The following UCK2 variants were observed in gnomAD, a reference collection of about 807,000 sequenced individuals.
UCK2 encodes the protein uridine-cytidine kinase 2, also known as cytidine monophosphokinase 2.
A neutral mutation model predicts 30.8 loss-of-function variants in UCK2; 6 were observed. That is an observed-to-expected ratio of 0.19 (90% confidence interval 0.11 to 0.38). The LOEUF (loss-of-function observed/expected upper bound fraction) is 0.38, where lower values mean the gene tolerates loss of function less well. Among genes scored for constraint, UCK2 ranks in the 10% least tolerant of loss-of-function variants. The pLI is 1.00. For synonymous variants in UCK2, 125 were observed against 133.6 expected (o/e 0.94, Z 0.45); for missense variants, 210 against 339.8 (o/e 0.62, Z 3.00).
At chr1:165,833,890 A>G (rs557557672) in intron 1 of UCK2, among the ~76,000 whole-genome samples, 25 of 152,304 alleles carry the variant, frequency 1.6e-4, no homozygotes, top group Non-Finnish European at 2.9e-4. Flanking sequence ...ATTTGTCATG[A>G]AAGCATTCGA....
chr1:165,880,249 G>A (rs746634808), intron 1 of UCK2, among the ~76,000 whole-genome samples: 2 of 152,194 alleles, frequency 1.3e-5, no homozygotes, highest in Non-Finnish European at 2.9e-5. Context: ...AAGGACTTCA[G>A]TTCTTTCTTT....
In UCK2 at chr1:165,827,778, G is replaced by C. The variant is rs1329628425; in HGVS notation, c.-56G>C. 4 of 1,289,506 alleles carry C rather than the reference G, an allele frequency of 3.1e-6. No individual in the cohort carries two copies. Among genetic ancestry groups the C allele is most frequent in the Non-Finnish European group, 4.0e-6 (4 of 1,007,182 alleles). The allele number at this position is 1,289,506 out of a possible 1,614,324, so 79.9% of individuals were successfully genotyped here. On this transcript the variant is annotated 5_prime_UTR_variant, in exon 1 of 7. Transcript: ENST00000367879. The stretch of plus-strand genomic sequence containing the variant: ...AGCGGAGGGAGTCCGACGCGGGCGC[G>C]GGCGGGGAGCGTGCGTCCGTTCGCA...
chr1:165,907,631 A>T lies in UCK2; in HGVS notation c.647-53A>T. 2.5e-6 allele frequency: 4 copies of T among 1,569,850 alleles called. No individual in the cohort carries two copies. The East Asian group carries it at 9.2e-5, about 36-fold the overall frequency. ...TTCCCCCAGACAGACTCCCACACTC[A>T]CCCCTGCACCCATGCCTGCACCCGT... On this transcript the variant is annotated intron_variant, in intron 6 of 6. Transcript: ENST00000367879.
intron 3 of UCK2, chr1:165,895,463 T>A: frequency 1.0e-6 from 1 of 985,152 alleles, no homozygotes. Flanking sequence ...AATTAGTGCC[T>A]GCCCTAGGCT....
chr1:165,845,698 C>T (rs1034290996), intron 1 of UCK2, among the ~76,000 whole-genome samples: 4 of 152,172 alleles, frequency 2.6e-5, no homozygotes, highest in South Asian at 4.1e-4. Context: ...GACACAGTCT[C>T]GCTCTGTTGC....
chr1:165,885,149 G>T (rs966164556), intron 1 of UCK2: 21 of 371,620 alleles, frequency 5.7e-5, no homozygotes, highest in Middle Eastern at 1.4e-3. Flanking sequence ...CAGAGGTAAA[G>T]TACATTTATG....
intron 1 of UCK2, among the ~76,000 whole-genome samples, chr1:165,880,565 GGGTGTGTGTGT>G (rs1655466315): frequency 6.6e-3 from 35 of 5,332 alleles, no homozygotes; most frequent in African/African-American, 0.04. Flanking sequence ...TTTTTTTTGG[GGGTGTGTGTGT>G]GTGTGTGTGT....
intron 1 of UCK2, among the ~76,000 whole-genome samples, chr1:165,871,503 C>G (rs1311490337): frequency 6.6e-6 from 1 of 152,172 alleles, no homozygotes; most frequent in Non-Finnish European, 1.5e-5. Flanking sequence ...AAGTCCCTTA[C>G]AACCCACTCT....
intron 1 of UCK2, among the ~76,000 whole-genome samples, chr1:165,888,997 G>A (rs1655694846): frequency 6.6e-6 from 1 of 152,174 alleles, no homozygotes; most frequent in Non-Finnish European, 1.5e-5. Context: ...GCAGACACAT[G>A]TATTACTATC....
intron 1 of UCK2, among the ~76,000 whole-genome samples, chr1:165,854,800 C>T (rs1281536190): frequency 6.6e-6 from 1 of 152,030 alleles, no homozygotes; most frequent in African/African-American, 2.4e-5. Flanking sequence ...TTTTCTAGTC[C>T]ATGAATACTA....
chr1:165,850,874 G>C (rs1324616190), intron 1 of UCK2, among the ~76,000 whole-genome samples: 1 of 150,642 alleles, frequency 6.6e-6, no homozygotes, highest in Admixed American at 6.6e-5. Context: ...CACCCGCCTC[G>C]GCCTCCCAAA....
At chr1:165,863,338 C>A (rs1189260806) in intron 1 of UCK2, among the ~76,000 whole-genome samples, 1 of 152,222 alleles carries the variant, frequency 6.6e-6, no homozygotes, top group Non-Finnish European at 1.5e-5. Context: ...GAAACATAGA[C>A]TTTTCTGGAT....
chr1:165,828,194 C>T (rs945319209), intron 1 of UCK2, among the ~76,000 whole-genome samples: 3 of 152,118 alleles, frequency 2.0e-5, no homozygotes, highest in African/African-American at 4.8e-5. Flanking sequence ...CTTTTCTCCC[C>T]CCGCGTTAAT....
At chr1:165,865,836 T>C (rs1349765601) in intron 1 of UCK2, among the ~76,000 whole-genome samples, 1 of 152,184 alleles carries the variant, frequency 6.6e-6, no homozygotes, top group African/African-American at 2.4e-5. Flanking sequence ...ACTCGCACAA[T>C]GAGACTTTGC....
At chr1:165,838,479 A>G (rs570140708) in intron 1 of UCK2, among the ~76,000 whole-genome samples, 13 of 152,288 alleles carry the variant, frequency 8.5e-5, no homozygotes, top group Non-Finnish European at 1.8e-4. Context: ...TCTCCTTCTC[A>G]TGATCACTCT....
At chr1:165,832,614 T>A (rs1654078763) in intron 1 of UCK2, among the ~76,000 whole-genome samples, 1 of 152,078 alleles carries the variant, frequency 6.6e-6, no homozygotes, top group African/African-American at 2.4e-5. Flanking sequence ...GGTTTTATTT[T>A]TTATTTATTT....
At position 165,903,127 on chromosome 1, in the gene UCK2, G is replaced by C. The variant is rs1647535881; in HGVS notation, c.500-55G>C. ...AGCTAGGTCCACCCCATGAAGGGCG[G>C]GTGTGTGCTGGCTCCTACACCGTTT... On this transcript the variant is annotated intron_variant, in intron 4 of 6. Transcript: ENST00000367879. 3 of 1,409,668 alleles carry C rather than the reference G, an allele frequency of 2.1e-6. No individual in the cohort carries two copies. In the East Asian group the frequency reaches 6.9e-5, roughly 33 times the overall value. 87.3% of individuals were successfully genotyped at this position (1,409,668 alleles called of 1,614,324 possible).
At chr1:165,830,819 A>G (rs113169009) in intron 1 of UCK2, among the ~76,000 whole-genome samples, 1 of 152,192 alleles carries the variant, frequency 6.6e-6, no homozygotes, top group African/African-American at 2.4e-5. Context: ...GGATTGCTTG[A>G]GCCCGGGAGT....
At chr1:165,856,866 A>G (rs552832488) in intron 1 of UCK2, among the ~76,000 whole-genome samples, 1 of 149,158 alleles carries the variant, frequency 6.7e-6, no homozygotes, top group East Asian at 2.0e-4. Flanking sequence ...AATTAAGGAT[A>G]TGTGTTAAAT....
Sources: gnomAD v4.1 joint callset for allele counts (sites outside exome capture counted in the v4.1 genomes callset) on GRCh38, gnomAD v4.1.1 for gene constraint, MANE v1.5 for transcripts, NCBI Gene and HGNC (gene_info 2026-07-23, HGNC 2026-07-21) for gene names.